Variants in FAR2 observed in about 807,000 individuals in gnomAD.
FAR2 encodes epididymis secretory protein Li 81.
In FAR2, 19 loss-of-function variants were observed where a neutral mutation model predicts 56.0. That is an observed-to-expected ratio of 0.34 (90% CI 0.24 to 0.50). The LOEUF is 0.50. Among genes scored for constraint, FAR2 ranks in the 20% least tolerant of loss-of-function variants. The pLI is 0.98. For synonymous variants in FAR2, 219 were observed against 218.8 expected (o/e 1.00, Z -0.01); for missense variants, 508 against 642.2 (o/e 0.79, Z 2.26).
intron 1 of FAR2, among the ~76,000 whole-genome samples, chr12:29,173,986 A>G (rs909659964): frequency 6.6e-6 from 1 of 152,088 alleles, no homozygotes; most frequent in South Asian, 2.1e-4. Context: ...GCCCTTACTG[A>G]CACATTCTCG....
At chr12:29,200,407 G>T (rs958572876) in intron 1 of FAR2, among the ~76,000 whole-genome samples, 41 of 152,236 alleles carry the variant, frequency 2.7e-4, no homozygotes, top group African/African-American at 9.6e-4. Flanking sequence ...CGAAAGAGTG[G>T]CACGGCTGTC....
chr12:29,175,588 G>A (rs1283984955), intron 1 of FAR2, among the ~76,000 whole-genome samples: 7 of 152,222 alleles, frequency 4.6e-5, no homozygotes, highest in African/African-American at 1.2e-4. Flanking sequence ...CCCTGCCCAC[G>A]TCCTGCTGAT....
chr12:29,190,451 TTTAA>T (rs148766068), intron 1 of FAR2, among the ~76,000 whole-genome samples: 4 of 152,108 alleles, frequency 2.6e-5, no homozygotes, highest in East Asian at 1.9e-4. Context: ...TAGTTTTATT[TTTAA>T]TTAATTAATT....
chr12:29,154,408 GTTTTTGTTTTTT>G (rs1379945378), intron 1 of FAR2, among the ~76,000 whole-genome samples: 3 of 147,818 alleles, frequency 2.0e-5, no homozygotes, highest in African/African-American at 7.7e-5. Context: ...TTGTGGTTTT[GTTTTTGTTTTTT>G]TTTTTGTTTT....
chr12:29,243,340 T>C (rs1948069318), intron 1 of FAR2, among the ~76,000 whole-genome samples: 1 of 152,206 alleles, frequency 6.6e-6, no homozygotes, highest in Non-Finnish European at 1.5e-5. Context: ...GTCTGACTTA[T>C]AGCAGGCTGG....
At chr12:29,218,884 T>TATTC (rs1947653793) in intron 1 of FAR2, among the ~76,000 whole-genome samples, 1 of 151,868 alleles carries the variant, frequency 6.6e-6, no homozygotes, top group South Asian at 2.1e-4. Flanking sequence ...GTTAGAATTT[T>TATTC]ATTTATTTAT....
chr12:29,260,740 G>C (rs1591903332), intron 1 of FAR2, among the ~76,000 whole-genome samples: 2 of 152,266 alleles, frequency 1.3e-5, no homozygotes, highest in East Asian at 3.9e-4. Context: ...AGGCATCTGT[G>C]GACCTACCTG....
At chr12:29,288,451 A>T (rs968570858) in intron 2 of FAR2, among the ~76,000 whole-genome samples, 5 of 152,106 alleles carry the variant, frequency 3.3e-5, no homozygotes, top group African/African-American at 1.2e-4. Context: ...GAAATTTCTG[A>T]AATTCTGTTT....
chr12:29,251,482 C>G (rs1392660969), intron 1 of FAR2, among the ~76,000 whole-genome samples: 2 of 152,184 alleles, frequency 1.3e-5, no homozygotes, highest in Non-Finnish European at 2.9e-5. Flanking sequence ...TGGCCCTCCA[C>G]TCAGAATAGG....
intron 1 of FAR2, among the ~76,000 whole-genome samples, chr12:29,231,416 A>G (rs1489134090): frequency 1.3e-5 from 2 of 152,140 alleles, no homozygotes; most frequent in Non-Finnish European, 2.9e-5. Context: ...GACAGGAAAA[A>G]CTGGAATAGG....
Position 29,311,894 on chromosome 12 carries a change from C to A in FAR2, c.899C>A (p.Thr300Lys). Residue 300 changes from threonine to lysine, a missense_variant, in exon 8 of 12, where the codon ACA becomes AAA. Transcript: ENST00000536681. ...ATTTCATTTTCCAGACCTAAGTCAA[C>A]ATTAGTCTACCACATTACATCTGGT... ...WYTAVHRPKS[T>K]LVYHITSGNM... 6.2e-7 allele frequency: 1 copy of A among 1,608,448 alleles called. No homozygotes were observed. Among genetic ancestry groups the A allele is most frequent in the African/African-American group, 1.3e-5 (1 of 74,842 alleles).
chr12:29,284,509 G>T (rs1417082536), intron 2 of FAR2, among the ~76,000 whole-genome samples: 1 of 152,158 alleles, frequency 6.6e-6, no homozygotes, highest in Admixed American at 6.5e-5. Context: ...ACCCTCAGTT[G>T]CCCCTGAGGT....
At chr12:29,224,424 A>C (rs2136642612) in intron 1 of FAR2, among the ~76,000 whole-genome samples, 1 of 152,346 alleles carries the variant, frequency 6.6e-6, no homozygotes, top group South Asian at 2.1e-4. Flanking sequence ...GGAACTTGAG[A>C]GCTCCAGGGA....
At chr12:29,184,226 C>A (rs979071876) in intron 1 of FAR2, among the ~76,000 whole-genome samples, 6 of 152,068 alleles carry the variant, frequency 3.9e-5, no homozygotes, top group Non-Finnish European at 1.5e-5. Context: ...CCACAGAAAT[C>A]AATTTGAATC....
At chr12:29,181,063 T>C (rs1949987450) in intron 1 of FAR2, among the ~76,000 whole-genome samples, 1 of 152,188 alleles carries the variant, frequency 6.6e-6, no homozygotes, top group African/African-American at 2.4e-5. Context: ...TGTACTTATC[T>C]GCAAAATATA....
chr12:29,315,222 A>G (rs1190637530), intron 8 of FAR2, among the ~76,000 whole-genome samples: 2 of 152,314 alleles, frequency 1.3e-5, no homozygotes, highest in South Asian at 2.1e-4. Context: ...TCAGAGGGAC[A>G]TGTGGAGGAG....
At chr12:29,322,018 T>A in intron 10 of FAR2, 94 bp downstream of exon 10, 1 of 1,413,912 alleles carries the variant, frequency 7.1e-7, no homozygotes, top group Non-Finnish European at 9.4e-7. Context: ...AATAAGACGT[T>A]TGGTTATAGA....
intron 1 of FAR2, among the ~76,000 whole-genome samples, chr12:29,211,676 T>TAGAAAAATCATAGCTGC (rs1264487256): frequency 6.6e-6 from 1 of 151,990 alleles, no homozygotes; most frequent in Non-Finnish European, 1.5e-5. Flanking sequence ...TTCATAGCTG[T>TAGAAAAATCATAGCTGC]AGAAAAATCA....
chr12:29,279,140 C>T (rs375026158), intron 2 of FAR2, among the ~76,000 whole-genome samples: 3 of 152,206 alleles, frequency 2.0e-5, no homozygotes, highest in East Asian at 3.9e-4. Context: ...CTCCAAGAAT[C>T]GTTGAGAATT....
Sources: allele counts gnomAD v4.1 joint callset (sites outside exome capture counted in the v4.1 genomes callset), GRCh38; gene constraint gnomAD v4.1.1; transcripts MANE v1.5; gene names NCBI Gene and HGNC (gene_info 2026-07-23, HGNC 2026-07-21).